The following IGF1R variants were observed in gnomAD, a reference collection of about 807,000 sequenced individuals.
IGF1R encodes the protein insulin like growth factor 1 receptor.
Under a neutral mutation model 144.6 loss-of-function variants are expected in IGF1R, and 44 were observed. The observed-to-expected ratio is 0.30, with a 90% CI of 0.24 to 0.39. The LOEUF is 0.39. IGF1R is among the 10% of genes least tolerant of loss of function. The probability of loss-of-function intolerance (pLI) is 1.00; values close to 1 mark genes in which losing one functional copy is unlikely to be tolerated. For synonymous variants in IGF1R, 795 were observed against 722.8 expected (o/e 1.10, Z -1.60); for missense variants, 1,355 against 1,833.7 (o/e 0.74, Z 4.77).
chr15:98,901,674 T>C (rs2014489384), intron 5 of IGF1R, among the ~76,000 whole-genome samples: 1 of 152,000 alleles, frequency 6.6e-6, no homozygotes. Flanking sequence ...ACTCGCACAG[T>C]GATACAAGGG....
chr15:98,763,528 T>C (rs2055359479), intron 2 of IGF1R, among the ~76,000 whole-genome samples: 1 of 152,016 alleles, frequency 6.6e-6, no homozygotes, highest in South Asian at 2.1e-4. Flanking sequence ...GTAGCCTTGT[T>C]CACCTCCCCA....
chr15:98,955,815 G>A (rs2016956739), intron 20 of IGF1R, among the ~76,000 whole-genome samples: 1 of 152,284 alleles, frequency 6.6e-6, no homozygotes, highest in South Asian at 2.1e-4. Flanking sequence ...CCTGACAGGA[G>A]GCTAGATGCC....
chr15:98,668,851 G>T (rs28411710), intron 1 of IGF1R, among the ~76,000 whole-genome samples: 18,740 of 152,154 alleles, frequency 0.12, 2,221 homozygotes, highest in African/African-American at 0.31. Flanking sequence ...GAGTTGGAAG[G>T]GGCTGCCACA....
At chr15:98,691,614 C>T (rs140234298) in intron 1 of IGF1R, among the ~76,000 whole-genome samples, 110 of 152,156 alleles carry the variant, frequency 7.2e-4, no homozygotes, top group Admixed American at 2.3e-3. Flanking sequence ...TTGCCCACCT[C>T]GGCCTCCCAA....
intron 2 of IGF1R, among the ~76,000 whole-genome samples, chr15:98,797,436 T>C (rs1357689065): frequency 6.6e-6 from 1 of 152,230 alleles, no homozygotes; most frequent in African/African-American, 2.4e-5. Flanking sequence ...TGGTGACAGA[T>C]GTTGGGCTGT....
At chr15:98,659,117 G>A (rs1297411718) in intron 1 of IGF1R, among the ~76,000 whole-genome samples, 1 of 152,198 alleles carries the variant, frequency 6.6e-6, no homozygotes, top group Non-Finnish European at 1.5e-5. Context: ...ATGTTTGATT[G>A]TCCTTGCCAT....
intron 2 of IGF1R, among the ~76,000 whole-genome samples, chr15:98,733,864 C>T (rs1029591184): frequency 2.0e-5 from 3 of 152,150 alleles, no homozygotes; most frequent in African/African-American, 7.2e-5. Context: ...TCTCTTCCAT[C>T]CCCTTTCTCA....
Position 98,891,557 on chromosome 15 carries a change from C to T in IGF1R, c.873C>T (p.Ser291=), listed in dbSNP as rs201304073. Residue 291 remains serine, a synonymous_variant, in exon 3 of 21, where the codon AGC becomes AGT. Coordinates refer to ENST00000650285, the MANE Select transcript of IGF1R (RefSeq NM_000875.5). This position sits in a 1 kb window ranked among gnomAD's most constrained non-coding sequence, Gnocchi z 4.7. ...CCAACATCCTCAGCGCCGAGAGCAG[C>T]GACTCCGAGGGGTTTGTGATCCACG... ...FCANILSAES[S]DSEGFVIHDG... is the part of the protein sequence containing the mutation. 3.6e-4 allele frequency: 587 copies of T among 1,609,776 alleles called. No homozygotes were observed. Among genetic ancestry groups the T allele is most frequent in the Non-Finnish European group, 4.6e-4 (542 of 1,180,010 alleles).
At chr15:98,793,660 A>G (rs571693884) in intron 2 of IGF1R, among the ~76,000 whole-genome samples, 1 of 152,390 alleles carries the variant, frequency 6.6e-6, no homozygotes, top group East Asian at 1.9e-4. Flanking sequence ...AAATATTTAT[A>G]GCATAGAACG....
chr15:98,687,517 A>G (rs947643155), intron 1 of IGF1R, among the ~76,000 whole-genome samples: 1 of 152,148 alleles, frequency 6.6e-6, no homozygotes, highest in Non-Finnish European at 1.5e-5. Flanking sequence ...AGGAGGTTGG[A>G]TTTTTCTCTG....
intron 10 of IGF1R, among the ~76,000 whole-genome samples, chr15:98,918,651 T>G (rs917469186): frequency 1.3e-5 from 2 of 151,736 alleles, no homozygotes; most frequent in Non-Finnish European, 2.9e-5. Flanking sequence ...GAGGCTGAGG[T>G]GGGTGGATCA....
chr15:98,951,484 C>G (rs535847626), intron 20 of IGF1R, among the ~76,000 whole-genome samples: 3 of 152,354 alleles, frequency 2.0e-5, no homozygotes, highest in South Asian at 2.1e-4. Flanking sequence ...TACCCAAAAC[C>G]TACTAGTTAA....
intron 2 of IGF1R, among the ~76,000 whole-genome samples, chr15:98,861,985 T>C (rs990192534): frequency 2.0e-5 from 3 of 152,250 alleles, no homozygotes; most frequent in African/African-American, 7.2e-5. Context: ...ATCATTTCAT[T>C]TGGGGCTGGT....
chr15:98,750,765 G>A (rs1273489339), intron 2 of IGF1R, among the ~76,000 whole-genome samples: 1 of 152,172 alleles, frequency 6.6e-6, no homozygotes, highest in Admixed American at 6.5e-5. Flanking sequence ...AGCATTCTGA[G>A]AACAGTTAAG....
At chr15:98,884,292 C>T (rs183382700) in intron 2 of IGF1R, among the ~76,000 whole-genome samples, 225 of 152,294 alleles carry the variant, frequency 1.5e-3, no homozygotes, top group Non-Finnish European at 2.4e-3. Context: ...GCTCAGATCA[C>T]GCCTGATTGC....
chr15:98,722,898 G>T (rs530934039), intron 2 of IGF1R, among the ~76,000 whole-genome samples: 1 of 152,032 alleles, frequency 6.6e-6, no homozygotes, highest in Non-Finnish European at 1.5e-5. Context: ...GAGCATCTCC[G>T]CCTGGTGCTG....
intron 2 of IGF1R, among the ~76,000 whole-genome samples, chr15:98,780,164 A>G (rs1009784255): frequency 1.3e-5 from 2 of 151,478 alleles, no homozygotes; most frequent in Non-Finnish European, 3.0e-5. Context: ...AAAAAAATAA[A>G]TAAAATAAAA....
chr15:98,788,360 A>G (rs1283736978), intron 2 of IGF1R, among the ~76,000 whole-genome samples: 1 of 152,010 alleles, frequency 6.6e-6, no homozygotes, highest in African/African-American at 2.4e-5. Context: ...AGAGTGGGAG[A>G]CAGTCTCTGA....
At chr15:98,818,716 C>G (rs1216748031) in intron 2 of IGF1R, among the ~76,000 whole-genome samples, 1 of 152,084 alleles carries the variant, frequency 6.6e-6, no homozygotes, top group Non-Finnish European at 1.5e-5. Context: ...TCACTAGTCT[C>G]TACCTGCTAG....
Sources: gnomAD v4.1 joint callset for allele counts (sites outside exome capture counted in the v4.1 genomes callset) on GRCh38, gnomAD v4.1.1 for gene constraint, Gnocchi (gnomAD v3.1) non-coding constraint, MANE v1.5 for transcripts, NCBI Gene and HGNC (gene_info 2026-07-23, HGNC 2026-07-21) for gene names.